GLT8D2: variants seen among roughly 807,000 people sequenced by gnomAD.
The protein encoded by GLT8D2 is glycosyltransferase 8 domain containing 2.
In GLT8D2, 45 loss-of-function variants were observed where a neutral mutation model predicts 44.5. The ratio of observed to expected loss-of-function variants is 1.01; its 90% CI spans 0.80 to 1.30. The LOEUF (loss-of-function observed/expected upper bound fraction) is 1.30. Among genes scored for constraint, GLT8D2 ranks in the 50% most tolerant of loss-of-function variants. The pLI, the probability that GLT8D2 is intolerant of heterozygous loss-of-function variation, is 0.00. For missense variants in GLT8D2, 400 were observed against 430.4 expected (o/e 0.93, Z 0.62); for synonymous variants, 156 against 157.2 (o/e 0.99, Z 0.06).
chr12:104,015,269 C>T (rs1202162057), intron 3 of GLT8D2, among the ~76,000 whole-genome samples, 164 bp from the exon 4 acceptor site: 1 of 152,026 alleles, frequency 6.6e-6, no homozygotes, highest in Non-Finnish European at 1.5e-5. Flanking sequence ...TTAACCTGGC[C>T]AGGTGTGGTA....
chr12:103,992,487 CTCTCT>C (rs71936399), intron 10 of GLT8D2, among the ~76,000 whole-genome samples: 1,715 of 147,268 alleles, frequency 0.012, 14 homozygotes, highest in Non-Finnish European at 0.015. Flanking sequence ...CTCTCTCTCT[CTCTCT>C]TTTTTTTTTT....
chr12:104,019,428 G>A (rs74241076), intron 3 of GLT8D2, among the ~76,000 whole-genome samples: 3,240 of 152,038 alleles, frequency 0.021, 104 homozygotes, highest in East Asian at 0.15. Context: ...GCGCCCAGCC[G>A]ATAAGTCCAC....
At chr12:104,045,958 T>TAAGA (rs141480385) in intron 1 of GLT8D2, among the ~76,000 whole-genome samples, 17,177 of 132,656 alleles carry the variant, frequency 0.13, 1,039 homozygotes, top group East Asian at 0.23. Flanking sequence ...AGAAAGAAAA[T>TAAGA]AAGAAAGAAA....
intron 7 of GLT8D2, 83 bp from the exon 8 acceptor site, chr12:103,996,930 G>C: frequency 1.2e-6 from 1 of 849,204 alleles, no homozygotes; most frequent in Non-Finnish European, 1.9e-6. Flanking sequence ...AACAGCTCTT[G>C]ATTTTGCTAT....
chr12:104,006,896 C>T (rs1875087966), intron 4 of GLT8D2, among the ~76,000 whole-genome samples: 1 of 152,136 alleles, frequency 6.6e-6, no homozygotes, highest in Admixed American at 6.6e-5. Context: ...TGAAAAGCCT[C>T]ATTTGTCCAA....
At chr12:104,033,959 A>G (rs1879645016) in intron 1 of GLT8D2, among the ~76,000 whole-genome samples, 2 of 152,122 alleles carry the variant, frequency 1.3e-5, no homozygotes, top group Non-Finnish European at 2.9e-5. Context: ...CTGAGATTAC[A>G]GGCTTGAGCT....
In GLT8D2 at chr12:103,989,224, G is replaced by A; in HGVS notation, c.*184C>T. On this transcript the variant is annotated 3_prime_UTR_variant, in exon 11 of 11. Transcript: ENST00000360814. Reference sequence around the variant, plus strand: ...ATCTTGATTTCCATAGTTATCACATGTACTTAAAGAAGTTAATCAATGCCT... The same window carrying A: ...ATCTTGATTTCCATAGTTATCACATATACTTAAAGAAGTTAATCAATGCCT... The A allele has an allele frequency of 2.3e-6, 1 of 440,652 alleles. No individual in the cohort carries two copies. The highest frequency in any genetic ancestry group is 4.0e-6 in the Non-Finnish European group (1 of 250,008). The allele number at this position is 440,652 out of a possible 1,614,324, so 27.3% of individuals were successfully genotyped here.
At chr12:104,055,118 G>A (rs552702559), upstream of GLT8D2, among the ~76,000 whole-genome samples, 3 of 152,286 alleles carry the variant, frequency 2.0e-5, no homozygotes, top group African/African-American at 7.2e-5. Context: ...AGAGGATATG[G>A]AGAGGGTGGC....
chr12:104,009,055 G>A (rs1421433696), intron 4 of GLT8D2, among the ~76,000 whole-genome samples: 1 of 152,242 alleles, frequency 6.6e-6, no homozygotes, highest in East Asian at 1.9e-4. Flanking sequence ...TGGGGTCAGA[G>A]CCCCCACGCA....
intron 4 of GLT8D2, among the ~76,000 whole-genome samples, chr12:104,010,730 T>G (rs1357851102): frequency 1.3e-5 from 2 of 152,200 alleles, no homozygotes; most frequent in African/African-American, 2.4e-5. Context: ...TATGTGTCTG[T>G]CTCCTCCACT....
intron 3 of GLT8D2, among the ~76,000 whole-genome samples, chr12:104,016,709 GAGAAAGAA>G (rs550246831): frequency 0.058 from 4,187 of 72,354 alleles, 203 homozygotes; most frequent in Non-Finnish European, 0.068. Context: ...GAAAGGGAGA[GAGAAAGAA>G]AGAAAGAAAG....
In GLT8D2 at chr12:103,997,598, G is replaced by C. The variant is rs994885488; in HGVS notation, c.403-63C>G. ...GCATATGGCTTAGTGTCTTCTGGGG[G>C]TACTGGAGAGTCGGCTTTGACCATG... On this transcript the variant is annotated intron_variant, in intron 6 of 10. Coordinates refer to ENST00000360814, the MANE Select transcript of GLT8D2 (RefSeq NM_001384711.1). 2.7e-5 allele frequency: 31 copies of C among 1,149,584 alleles called. No individual in the cohort carries two copies. The African/African-American group carries it at 3.8e-4, about 14-fold the overall frequency. 71.2% of individuals were successfully genotyped at this position (1,149,584 alleles called of 1,614,324 possible).
chr12:104,047,305 C>CTTTTT (rs35333809), intron 1 of GLT8D2, among the ~76,000 whole-genome samples: 1 of 130,880 alleles, frequency 7.6e-6, no homozygotes, highest in Non-Finnish European at 1.6e-5. Flanking sequence ...TCTCTTAGGC[C>CTTTTT]TTTTTTTTTT....
At chr12:104,053,504 C>T (rs1881893178), upstream of GLT8D2, among the ~76,000 whole-genome samples, 1 of 152,156 alleles carries the variant, frequency 6.6e-6, no homozygotes, top group Non-Finnish European at 1.5e-5. Context: ...TAATAGGACT[C>T]TTGTGTGGGT....
chr12:103,997,775 C>T (rs956377282), intron 6 of GLT8D2, among the ~76,000 whole-genome samples: 2 of 152,136 alleles, frequency 1.3e-5, no homozygotes, highest in Non-Finnish European at 2.9e-5. Flanking sequence ...CCCCTAGTGC[C>T]GAGGCTGTTG....
intron 4 of GLT8D2, among the ~76,000 whole-genome samples, chr12:104,011,765 T>C (rs1275278992): frequency 6.6e-6 from 1 of 152,132 alleles, no homozygotes; most frequent in Non-Finnish European, 1.5e-5. Context: ...TTGTGACTGT[T>C]TTCTGCAGAC....
In GLT8D2 at chr12:103,994,318, G is replaced by C; in HGVS notation, c.767+17C>G. On this transcript the variant is annotated intron_variant, in intron 9 of 10. Coordinates refer to ENST00000360814, the MANE Select transcript of GLT8D2 (RefSeq NM_001384711.1). The stretch of plus-strand genomic sequence containing the variant: ...GTTTCCAAGCATGGAAAAAATGGTA[G>C]AGAAGCCTTCACGTACTCCACATTC... 1 of 1,583,510 alleles carries C rather than the reference G, an allele frequency of 6.3e-7. No individual in the cohort carries two copies. Among genetic ancestry groups the C allele is most frequent in the Non-Finnish European group, 8.6e-7 (1 of 1,160,700 alleles).
At chr12:104,025,816 G>A (rs903622017) in intron 1 of GLT8D2, among the ~76,000 whole-genome samples, 10 of 152,002 alleles carry the variant, frequency 6.6e-5, no homozygotes, top group African/African-American at 2.4e-4. Flanking sequence ...TATTCAAAGG[G>A]GACTTCAAAT....
intron 3 of GLT8D2, among the ~76,000 whole-genome samples, chr12:104,016,001 C>T (rs946753050): frequency 1.3e-5 from 2 of 152,150 alleles, no homozygotes; most frequent in Non-Finnish European, 2.9e-5. Flanking sequence ...CAAAACAAAA[C>T]AAAACAAAAA....
Sources: gnomAD v4.1 joint callset for allele counts (sites outside exome capture counted in the v4.1 genomes callset) on GRCh38, gnomAD v4.1.1 for gene constraint, MANE v1.5 for transcripts, NCBI Gene and HGNC (gene_info 2026-07-23, HGNC 2026-07-21) for gene names.